The following APOC1 variants were observed in gnomAD, a reference collection of about 807,000 sequenced individuals.
APOC1 encodes apolipoprotein C1.
In APOC1, 4 loss-of-function variants were observed where a neutral mutation model predicts 6.7. The ratio of observed to expected loss-of-function variants is 0.60; its 90% CI spans 0.29 to 1.37. The LOEUF is 1.37. Among genes scored for constraint, APOC1 ranks in the 40% most tolerant of loss-of-function variants. APOC1 has a pLI of 0.09. For missense variants in APOC1, 122 were observed against 99.4 expected, an observed-to-expected ratio of 1.23 and a Z score of -0.97; for synonymous variants, 33 against 40.6, an observed-to-expected ratio of 0.81 and a Z score of 0.72.
chr19:44,914,908 C>A lies in APOC1; in HGVS notation c.17C>A (p.Ser6Ter), dbSNP rs371532131. 28 of 1,613,836 alleles carry A rather than the reference C, an allele frequency of 1.7e-5. No individual in the cohort carries two copies. The highest frequency in any genetic ancestry group is 2.4e-5 in the Non-Finnish European group (28 of 1,179,830). The change falls in exon 2 of 4, where the codon TCG becomes TAG. Residue 6 changes from serine (S) to a stop codon, truncating the protein, a stop_gained. Transcript: ENST00000592535. LOFTEE classifies it high-confidence loss of function. ...GGCCTCGCCATGAGGCTCTTCCTGT[C>A]GCTCCCGGTCCTGGTGGTGGTTCTG... is the stretch of plus-strand genomic sequence containing the variant. MRLFL[S>*]LPVLVVVLSI...
chr19:44,914,976 A>G (rs1969977873), intron 2 of APOC1, 27 bp downstream of exon 2: 1 of 1,590,322 alleles, frequency 6.3e-7, no homozygotes, highest in Non-Finnish European at 8.6e-7. Context: ...AGAATTGCGG[A>G]GTTGGAGATT....
chr19:44,917,979 A>G (rs1970038324), intron 3 of APOC1, among the ~76,000 whole-genome samples: 1 of 151,516 alleles, frequency 6.6e-6, no homozygotes, highest in Non-Finnish European at 1.5e-5. Context: ...ATGCCAAAAA[A>G]GAAAAAAAAC....
Position 44,914,775 on chromosome 19 carries a change from G to T in APOC1, c.-21+42G>T, listed in dbSNP as rs1310699742. On this transcript the variant is annotated intron_variant, in intron 1 of 3. Coordinates refer to ENST00000592535, the MANE Select transcript of APOC1 (RefSeq NM_001645.5). Reference sequence around the variant, plus strand: ...TGGGAGGGACACCCGCCTACACTCTGCAAGAAACTCAAAAAGGGAGATGAG... The same window carrying T: ...TGGGAGGGACACCCGCCTACACTCTTCAAGAAACTCAAAAAGGGAGATGAG... The T allele has an allele frequency of 3.7e-6, 4 of 1,083,220 alleles. No homozygotes were observed. In the Admixed American group the frequency reaches 8.0e-5, roughly 22 times the overall value. The allele number at this position is 1,083,220 out of a possible 1,614,324, so 67.1% of individuals were successfully genotyped here. A position where few individuals can be genotyped will look rare whatever the true frequency, so the allele number is the denominator to read the frequency against.
intron 2 of APOC1, 36 bp from the exon 3 acceptor site, chr19:44,916,154 A>C (rs560974467): frequency 7.9e-6 from 12 of 1,525,858 alleles, no homozygotes; most frequent in East Asian, 2.3e-5. Flanking sequence ...AAAAAAAAAA[A>C]AACAAATTTT....
At position 44,914,915 on chromosome 19, in the gene APOC1, G is replaced by A. The variant is rs375842464; in HGVS notation, c.24G>A (p.Pro8=). 1.9e-6 allele frequency: 3 copies of A among 1,613,724 alleles called. No homozygotes were observed. Among genetic ancestry groups the A allele is most frequent in the Non-Finnish European group, 1.7e-6 (2 of 1,179,874 alleles). The part of the protein sequence containing the change: MRLFLSL[P]VLVVVLSIVL... ...CCATGAGGCTCTTCCTGTCGCTCCC[G>A]GTCCTGGTGGTGGTTCTGTCGATCG... is the stretch of plus-strand genomic sequence containing the variant. The change falls in exon 2 of 4, where the codon CCG becomes CCA. Residue 8 remains proline (P), a synonymous_variant. Coordinates refer to ENST00000592535, the MANE Select transcript of APOC1 (RefSeq NM_001645.5).
At position 44,914,709 on chromosome 19, in the gene APOC1, A is replaced by C; in HGVS notation, c.-45A>C. The C allele has an allele frequency of 1.6e-6, 1 of 612,870 alleles. No individual in the cohort carries two copies. The highest frequency in any genetic ancestry group is 2.8e-5 in the East Asian group (1 of 35,846). 38.0% of individuals were successfully genotyped at this position (612,870 alleles called of 1,614,324 possible). On this transcript the variant is annotated 5_prime_UTR_variant, in exon 1 of 4. Coordinates refer to ENST00000592535, the MANE Select transcript of APOC1 (RefSeq NM_001645.5). ...CCTGCGGGCAGGACAGGACCTCCCAACCAAGCCCTCCAGCAAGGATTCAGG... is the reference window on the plus strand; with the variant it reads ...CCTGCGGGCAGGACAGGACCTCCCACCCAAGCCCTCCAGCAAGGATTCAGG...
rs763308069 is a variant in APOC1 at position 44,914,999 on chromosome 19, G to A, written c.58+50G>A. On this transcript the variant is annotated intron_variant, in intron 2 of 3. Transcript: ENST00000592535. Reference sequence around the variant, plus strand: ...GGAGTTGGAGATTTGGAAGAGTGAAGGTGGCTACAGGCCTGGGGTCCCGGC... The same window carrying A: ...GGAGTTGGAGATTTGGAAGAGTGAAAGTGGCTACAGGCCTGGGGTCCCGGC... The A allele has an allele frequency of 1.7e-5, 26 of 1,535,776 alleles. No individual in the cohort carries two copies. The African/African-American group carries it at 2.9e-4, about 17-fold the overall frequency.
Position 44,916,325 on chromosome 19 carries a change from G to C in APOC1, c.194G>C (p.Arg65Pro). Residue 65 changes from arginine (R) to proline (P), a missense_variant and splice_region_variant, in exon 3 of 4, where the codon CGG (arginine) becomes CCG (proline). Physicochemically the swap from Arg to Pro is moderately radical, Grantham distance 103. Coordinates refer to ENST00000592535, the MANE Select transcript of APOC1 (RefSeq NM_001645.5). ...CAGAGTGAACTTTCTGCCAAGATGC[G>C]GTTAGAACCCTTCCCAGGGCACGGG... Reference protein sequence around the residue: ...IKQSELSAKMREWFSETFQKV... With the variant: ...IKQSELSAKMPEWFSETFQKV... The C allele has an allele frequency of 1.9e-6, 3 of 1,613,568 alleles. No homozygotes were observed. The highest frequency in any genetic ancestry group is 1.1e-5 in the South Asian group (1 of 91,038).
intron 3 of APOC1, chr19:44,916,593 T>C (rs1599960962): frequency 7.5e-6 from 4 of 533,082 alleles, no homozygotes; most frequent in South Asian, 5.5e-5. Context: ...CGAGGTGGGC[T>C]GATTGCCTGA....
rs911264325 is a variant in APOC1 at position 44,915,886 on chromosome 19, T to A, written c.59-304T>A. On this transcript the variant is annotated intron_variant, in intron 2 of 3. Transcript: ENST00000592535. Reference sequence around the variant, plus strand: ...CGGGAGGCTGAGGCAGGAGAATCACTTGAACCCGGGAGGCGGAGGTTGCAG... The same window carrying A: ...CGGGAGGCTGAGGCAGGAGAATCACATGAACCCGGGAGGCGGAGGTTGCAG... 3.8e-4 allele frequency among the ~76,000 whole-genome samples: 58 copies of A among 151,948 alleles called. No individual in the cohort carries two copies. The East Asian group carries it at 1.0e-2, about 26-fold the overall frequency.
intron 2 of APOC1, 38 bp from the exon 3 acceptor site, chr19:44,916,152 A>C (rs1485679392): frequency 9.8e-6 from 15 of 1,524,602 alleles, no homozygotes; most frequent in Middle Eastern, 1.9e-4. Flanking sequence ...AAAAAAAAAA[A>C]AAAACAAATT....
In APOC1 at chr19:44,919,175, A is replaced by G; in HGVS notation, c.197A>G (p.Glu66Gly). 6.2e-7 allele frequency: 1 copy of G among 1,613,588 alleles called. No individual in the cohort carries two copies. Among genetic ancestry groups the G allele is most frequent in the Non-Finnish European group, 8.5e-7 (1 of 1,179,632 alleles). Residue 66 changes from glutamate to glycine, a missense_variant and splice_region_variant, in exon 4 of 4, where the codon GAG becomes GGG. Physicochemically the swap from Glu to Gly is moderately conservative, Grantham distance 98 (BLOSUM62 -2). Coordinates refer to ENST00000592535, the MANE Select transcript of APOC1 (RefSeq NM_001645.5). ...CCCTTCCTTATTCCTCCCCACAGGG[A>G]GTGGTTTTCAGAGACATTTCAGAAA... ...KQSELSAKMREWFSETFQKVK... is the reference protein window; with the variant it reads ...KQSELSAKMRGWFSETFQKVK...
intron 3 of APOC1, among the ~76,000 whole-genome samples, chr19:44,917,404 G>A (rs1442950126): frequency 6.6e-6 from 1 of 151,592 alleles, no homozygotes; most frequent in Middle Eastern, 3.4e-3. Context: ...CGAGAACCCC[G>A]TCCCTAATAG....
At chr19:44,918,139 G>T (rs1445804797) in intron 3 of APOC1, among the ~76,000 whole-genome samples, 1 of 136,692 alleles carries the variant, frequency 7.3e-6, no homozygotes, top group Non-Finnish European at 1.6e-5. Flanking sequence ...GTGGTGGCAG[G>T]CACCTGTAGT....
chr19:44,918,447 C>T (rs1970046536), intron 3 of APOC1, among the ~76,000 whole-genome samples: 3 of 148,334 alleles, frequency 2.0e-5, no homozygotes, highest in Admixed American at 1.4e-4. Flanking sequence ...CTGCAAGTTC[C>T]GCCTCCCGGG....
Position 44,914,922 on chromosome 19 carries a change from G to C in APOC1, c.31G>C (p.Val11Leu). 1 of 1,613,848 alleles carries C rather than the reference G, an allele frequency of 6.2e-7. No individual in the cohort carries two copies. Among genetic ancestry groups the C allele is most frequent in the South Asian group, 1.1e-5 (1 of 91,064 alleles). Residue 11 changes from valine (V) to leucine (L), a missense_variant, in exon 2 of 4, where the codon GTG (valine) becomes CTG (leucine). By Grantham distance (32) the Val-to-Leu change is conservative. Coordinates refer to ENST00000592535, the MANE Select transcript of APOC1 (RefSeq NM_001645.5). ...GCTCTTCCTGTCGCTCCCGGTCCTG[G>C]TGGTGGTTCTGTCGATCGTCTTGGA... MRLFLSLPVLVVVLSIVLEGP... is the reference protein window; with the variant it reads MRLFLSLPVLLVVLSIVLEGP...
In APOC1 at chr19:44,914,915, G is replaced by T. The variant is rs375842464; in HGVS notation, c.24G>T (p.Pro8=). Residue 8 remains proline (P), a synonymous_variant, in exon 2 of 4, where the codon CCG becomes CCT. Transcript: ENST00000592535. Reference sequence around the variant, plus strand: ...CCATGAGGCTCTTCCTGTCGCTCCCGGTCCTGGTGGTGGTTCTGTCGATCG... The same window carrying T: ...CCATGAGGCTCTTCCTGTCGCTCCCTGTCCTGGTGGTGGTTCTGTCGATCG... MRLFLSL[P]VLVVVLSIVL... The T allele has an allele frequency of 1.2e-4, 192 of 1,613,724 alleles. No individual in the cohort carries two copies. The highest frequency in any genetic ancestry group is 1.6e-4 in the Middle Eastern group (1 of 6,082).
chr19:44,916,278 G>T lies in APOC1; in HGVS notation c.147G>T (p.Arg49=), dbSNP rs767252825. The change falls in exon 3 of 4, where the codon CGG becomes CGT. Residue 49 remains arginine, a synonymous_variant. Coordinates refer to ENST00000592535, the MANE Select transcript of APOC1 (RefSeq NM_001645.5). ...GAAACACACTGGAGGACAAGGCTCG[G>T]GAACTCATCAGCCGCATCAAACAGA... ...EFGNTLEDKA[R]ELISRIKQSE... is the part of the protein sequence containing the mutation. 2 of 1,614,048 alleles carry T rather than the reference G, an allele frequency of 1.2e-6. No homozygotes were observed. The highest frequency in any genetic ancestry group is 1.7e-6 in the Non-Finnish European group (2 of 1,180,012).
intron 2 of APOC1, 143 bp from the exon 3 acceptor site, chr19:44,916,047 G>A: frequency 2.2e-6 from 2 of 904,246 alleles, no homozygotes; most frequent in East Asian, 2.9e-5. Context: ...TGAGGCAGGA[G>A]AACTGCTTGA....
Sources: gnomAD v4.1 joint callset for allele counts (sites outside exome capture counted in the v4.1 genomes callset) on GRCh38, gnomAD v4.1.1 for gene constraint, MANE v1.5 for transcripts, NCBI Gene and HGNC (gene_info 2026-07-23, HGNC 2026-07-21) for gene names.